The following FUT9 variants were observed in gnomAD, a reference collection of about 807,000 sequenced individuals.
FUT9 encodes the protein fucosyltransferase 9.
Under a neutral mutation model 29.7 loss-of-function variants are expected in FUT9, and 15 were observed. That is an observed-to-expected ratio of 0.51 (90% confidence interval 0.34 to 0.78). The LOEUF (loss-of-function observed/expected upper bound fraction) is 0.78. FUT9 is among the 30% of genes least tolerant of loss of function. The pLI is 0.01. For missense variants in FUT9, 319 were observed against 425.4 expected, an observed-to-expected ratio of 0.75 and a Z score of 2.20; for synonymous variants, 169 against 153.7, an observed-to-expected ratio of 1.10 and a Z score of -0.74.
intron 2 of FUT9, among the ~76,000 whole-genome samples, chr6:96,145,833 G>A (rs1358466131): frequency 6.6e-6 from 1 of 152,038 alleles, no homozygotes; most frequent in Non-Finnish European, 1.5e-5. Flanking sequence ...TCTCAGTAAG[G>A]ATTTTGATTT....
chr6:96,071,548 C>G (rs555868532), intron 1 of FUT9, among the ~76,000 whole-genome samples: 3 of 151,934 alleles, frequency 2.0e-5, no homozygotes, highest in Non-Finnish European at 4.4e-5. Flanking sequence ...CATGGCAAAT[C>G]AATTATTTTA....
At chr6:96,080,029 A>C (rs979831023) in intron 1 of FUT9, among the ~76,000 whole-genome samples, 1 of 152,080 alleles carries the variant, frequency 6.6e-6, no homozygotes, top group Admixed American at 6.5e-5. Flanking sequence ...AAGTAGAATA[A>C]ACTCAGGACA....
intron 1 of FUT9, among the ~76,000 whole-genome samples, chr6:96,039,237 G>T (rs934365707): frequency 4.0e-5 from 6 of 151,882 alleles, no homozygotes; most frequent in Admixed American, 2.0e-4. Context: ...ACACACACAC[G>T]TATATGCCAT....
intron 1 of FUT9, among the ~76,000 whole-genome samples, chr6:96,034,774 T>A (rs1770322637): frequency 6.6e-6 from 1 of 151,704 alleles, no homozygotes; most frequent in Admixed American, 6.6e-5. Context: ...AGAGGGCTTG[T>A]TTAACAGGTG....
intron 1 of FUT9, among the ~76,000 whole-genome samples, chr6:96,093,339 G>C (rs973788027): frequency 6.6e-6 from 1 of 152,000 alleles, no homozygotes; most frequent in Admixed American, 6.6e-5. Context: ...TGTTGAAATA[G>C]CTTTCTCTTG....
At chr6:96,131,067 C>A (rs1042653948) in intron 2 of FUT9, among the ~76,000 whole-genome samples, 1 of 152,130 alleles carries the variant, frequency 6.6e-6, no homozygotes, top group Non-Finnish European at 1.5e-5. Flanking sequence ...GCAGGACCCA[C>A]TACCTGGCTT....
At chr6:96,172,188 T>C (rs1431480730) in intron 2 of FUT9, among the ~76,000 whole-genome samples, 5 of 152,084 alleles carry the variant, frequency 3.3e-5, no homozygotes, top group Non-Finnish European at 7.4e-5. Context: ...AGAGGGGGCT[T>C]CATTCTCAGG....
chr6:96,017,998 T>C (rs1303353347), intron 1 of FUT9, among the ~76,000 whole-genome samples: 1 of 152,184 alleles, frequency 6.6e-6, no homozygotes, highest in Non-Finnish European at 1.5e-5. Flanking sequence ...TTTATTTCCC[T>C]TTTGTGTAAG....
chr6:96,040,081 C>A (rs868156701), intron 1 of FUT9, among the ~76,000 whole-genome samples: 4 of 151,966 alleles, frequency 2.6e-5, no homozygotes, highest in Non-Finnish European at 5.9e-5. Context: ...ATGTATGTGA[C>A]CTATGACATT....
At chr6:96,046,378 T>C (rs1414494433) in intron 1 of FUT9, among the ~76,000 whole-genome samples, 1 of 152,210 alleles carries the variant, frequency 6.6e-6, no homozygotes, top group Non-Finnish European at 1.5e-5. Context: ...GGCCAACAAA[T>C]TGATCACAGA....
chr6:96,186,226 C>A (rs1773404041), intron 2 of FUT9, among the ~76,000 whole-genome samples: 1 of 151,744 alleles, frequency 6.6e-6, no homozygotes, highest in Non-Finnish European at 1.5e-5. Flanking sequence ...TATTTCAGTT[C>A]TTACTAGTTT....
intron 1 of FUT9, among the ~76,000 whole-genome samples, chr6:96,112,998 C>A (rs189281112): frequency 2.6e-5 from 4 of 152,034 alleles, no homozygotes; most frequent in Non-Finnish European, 5.9e-5. Context: ...GGCAAATCAT[C>A]GAATTATTTG....
chr6:96,178,165 A>G (rs1382766984), intron 2 of FUT9, among the ~76,000 whole-genome samples: 1 of 152,178 alleles, frequency 6.6e-6, no homozygotes, highest in Non-Finnish European at 1.5e-5. Context: ...AAGGATGTGT[A>G]CCAGGATGGC....
intron 2 of FUT9, among the ~76,000 whole-genome samples, chr6:96,181,810 T>C (rs755587715): frequency 4.6e-5 from 7 of 152,082 alleles, no homozygotes; most frequent in Non-Finnish European, 7.4e-5. Flanking sequence ...ACCCACAGTT[T>C]CTTTATCCAC....
intron 2 of FUT9, among the ~76,000 whole-genome samples, chr6:96,117,676 C>G (rs1196881927): frequency 3.3e-5 from 5 of 152,158 alleles, no homozygotes; most frequent in Admixed American, 6.5e-5. Flanking sequence ...GATGGAGCAT[C>G]TACATAGAAC....
chr6:96,123,835 T>G (rs1052849127), intron 2 of FUT9, among the ~76,000 whole-genome samples: 6 of 151,926 alleles, frequency 3.9e-5, no homozygotes, highest in African/African-American at 1.4e-4. Context: ...GAGGAAATGA[T>G]GGAAAATGCC....
chr6:96,188,603 C>T (rs1456075349), intron 2 of FUT9, among the ~76,000 whole-genome samples: 3 of 150,902 alleles, frequency 2.0e-5, no homozygotes, highest in Non-Finnish European at 2.9e-5. Flanking sequence ...CTGCAAAATG[C>T]TTGGAACCAT....
At position 96,191,284 on chromosome 6, in the gene FUT9, T is replaced by A. The variant is rs1773504002; in HGVS notation, c.-8-11864T>A. Among the ~76,000 whole-genome samples, 5 of 151,962 alleles carry A rather than the reference T, an allele frequency of 3.3e-5. No individual in the cohort carries two copies. The South Asian group carries it at 1.0e-3, about 32-fold the overall frequency. The stretch of plus-strand genomic sequence containing the variant: ...AAAAACCCTTCAAAAAATCAATGAA[T>A]CCAGGAGCTAGTTTTTTTGAAAAGA... On this transcript the variant is annotated intron_variant, in intron 2 of 2. Transcript: ENST00000302103.
chr6:96,128,700 A>G (rs1208418874), intron 2 of FUT9, among the ~76,000 whole-genome samples: 1 of 152,206 alleles, frequency 6.6e-6, no homozygotes, highest in East Asian at 1.9e-4. Context: ...ATTTAGAATG[A>G]CAAAGTATTA....
Sources: gnomAD v4.1 joint callset for allele counts (sites outside exome capture counted in the v4.1 genomes callset) on GRCh38, gnomAD v4.1.1 for gene constraint, MANE v1.5 for transcripts, NCBI Gene and HGNC (gene_info 2026-07-23, HGNC 2026-07-21) for gene names.